RORA: variants seen among roughly 807,000 people sequenced by gnomAD.
The protein encoded by RORA is nuclear receptor ROR-alpha.
Under a neutral mutation model 69.5 loss-of-function variants are expected in RORA, and 7 were observed. The observed-to-expected ratio is 0.10, with a 90% CI of 0.06 to 0.19. The LOEUF is 0.19. RORA is among the 10% of genes least tolerant of loss of function. The pLI is 1.00. For missense variants in RORA, 457 were observed against 663.0 expected, an observed-to-expected ratio of 0.69 and a Z score of 3.41; for synonymous variants, 261 against 240.8, an observed-to-expected ratio of 1.08 and a Z score of -0.78.
intron 1 of RORA, among the ~76,000 whole-genome samples, chr15:60,775,419 C>T (rs1299696069): frequency 6.6e-6 from 1 of 152,220 alleles, no homozygotes; most frequent in African/African-American, 2.4e-5. Context: ...AACAGATCTG[C>T]AGTTTTCTTC....
At chr15:60,649,601 C>T (rs976575419) in intron 2 of RORA, among the ~76,000 whole-genome samples, 1 of 152,028 alleles carries the variant, frequency 6.6e-6, no homozygotes, top group African/African-American at 2.4e-5. Flanking sequence ...GAAAGGAGGC[C>T]AAAAGGAAGG....
intron 1 of RORA, among the ~76,000 whole-genome samples, chr15:61,200,530 C>A (rs1397861858): frequency 1.3e-5 from 2 of 152,188 alleles, no homozygotes; most frequent in Non-Finnish European, 2.9e-5. Context: ...AATAAAGCAA[C>A]TGACCTGGAA....
At chr15:61,123,867 A>C (rs757439719) in intron 1 of RORA, among the ~76,000 whole-genome samples, 1 of 152,206 alleles carries the variant, frequency 6.6e-6, no homozygotes, top group Non-Finnish European at 1.5e-5. Flanking sequence ...TACTTCCTAC[A>C]TGCTGGGGCC....
chr15:60,616,369 T>G (rs915984160), intron 2 of RORA, among the ~76,000 whole-genome samples: 10 of 152,196 alleles, frequency 6.6e-5, no homozygotes, highest in African/African-American at 2.4e-4. Context: ...TGTTGTCTGT[T>G]AAAATCTCAT....
intron 1 of RORA, among the ~76,000 whole-genome samples, chr15:60,712,885 A>G (rs1418771556): frequency 6.6e-6 from 1 of 152,208 alleles, no homozygotes; most frequent in Non-Finnish European, 1.5e-5. Flanking sequence ...CCTGAAGATG[A>G]AAATACTATC....
intron 1 of RORA, among the ~76,000 whole-genome samples, chr15:60,806,825 G>A (rs1335429569): frequency 6.6e-6 from 1 of 152,170 alleles, no homozygotes; most frequent in Non-Finnish European, 1.5e-5. Flanking sequence ...AAAAAGGCAG[G>A]CTTGAAGGTG....
At chr15:61,015,733 A>G (rs1477488228) in intron 1 of RORA, among the ~76,000 whole-genome samples, 1 of 152,254 alleles carries the variant, frequency 6.6e-6, no homozygotes, top group African/African-American at 2.4e-5. Flanking sequence ...AATCAGCTGC[A>G]TACATGGGGG....
intron 2 of RORA, among the ~76,000 whole-genome samples, chr15:60,560,583 C>T (rs569160788): frequency 2.6e-5 from 4 of 152,282 alleles, no homozygotes; most frequent in South Asian, 2.1e-4. Flanking sequence ...CCTGTAGTCT[C>T]GGCTACTGGT....
At chr15:60,883,201 T>C (rs1282397622) in intron 1 of RORA, among the ~76,000 whole-genome samples, 1 of 141,702 alleles carries the variant, frequency 7.1e-6, no homozygotes, top group East Asian at 2.1e-4. Context: ...AAAACCTATA[T>C]AAAATGCAGT....
intron 1 of RORA, among the ~76,000 whole-genome samples, chr15:60,748,203 C>A (rs936482769): frequency 4.6e-5 from 7 of 151,702 alleles, no homozygotes; most frequent in Admixed American, 2.0e-4. Flanking sequence ...CATAAATGCG[C>A]TGGCCTAAAA....
chr15:60,739,879 C>T (rs186900417), intron 1 of RORA, among the ~76,000 whole-genome samples: 4 of 152,194 alleles, frequency 2.6e-5, no homozygotes, highest in African/African-American at 9.6e-5. Flanking sequence ...CTCTTTTTCC[C>T]ATGTTAACTT....
At chr15:60,795,729 C>T (rs1025656095) in intron 1 of RORA, among the ~76,000 whole-genome samples, 2 of 152,208 alleles carry the variant, frequency 1.3e-5, no homozygotes, top group African/African-American at 2.4e-5. Flanking sequence ...TATGGCGCCT[C>T]CCTATATATG....
At chr15:60,867,715 C>T (rs941514101) in intron 1 of RORA, among the ~76,000 whole-genome samples, 5 of 152,254 alleles carry the variant, frequency 3.3e-5, no homozygotes, top group Non-Finnish European at 5.9e-5. Context: ...CTACCAGGAT[C>T]TCTTGATATT....
At chr15:61,027,218 G>A (rs1188622074) in intron 1 of RORA, among the ~76,000 whole-genome samples, 1 of 151,242 alleles carries the variant, frequency 6.6e-6, no homozygotes, top group Non-Finnish European at 1.5e-5. Flanking sequence ...AATGAAGAGA[G>A]GACTATTTAA....
chr15:61,137,022 AGAAAGAAAG>A (rs1244166435), intron 1 of RORA, among the ~76,000 whole-genome samples: 1 of 37,778 alleles, frequency 2.6e-5, no homozygotes, highest in Non-Finnish European at 5.1e-5. Context: ...TAAATAAAAA[AGAAAGAAAG>A]AAAGAAAGAA....
intron 1 of RORA, among the ~76,000 whole-genome samples, chr15:61,122,069 G>A (rs2079109323): frequency 1.3e-5 from 2 of 152,252 alleles, no homozygotes; most frequent in Admixed American, 1.3e-4. Flanking sequence ...ATATTCACTT[G>A]GTATTTCTGG....
At chr15:60,549,232 C>T (rs573959665) in intron 2 of RORA, among the ~76,000 whole-genome samples, 27 of 152,302 alleles carry the variant, frequency 1.8e-4, no homozygotes, top group African/African-American at 6.3e-4. Context: ...TTTCCATCTA[C>T]TCTCTTGCTC....
chr15:60,538,686 A>G (rs1190599443), intron 2 of RORA, among the ~76,000 whole-genome samples: 1 of 152,202 alleles, frequency 6.6e-6, no homozygotes, highest in East Asian at 1.9e-4. Flanking sequence ...TCGCCTCTCT[A>G]TGCAAAGTCC....
chr15:61,062,734 C>T (rs1012971992), intron 1 of RORA, among the ~76,000 whole-genome samples: 1 of 152,194 alleles, frequency 6.6e-6, no homozygotes, highest in Non-Finnish European at 1.5e-5. Context: ...GCTCCCTCCT[C>T]TCCCAACTGC....
Sources: allele counts gnomAD v4.1 joint callset (sites outside exome capture counted in the v4.1 genomes callset), GRCh38; gene constraint gnomAD v4.1.1; transcripts MANE v1.5; gene names NCBI Gene and HGNC (gene_info 2026-07-23, HGNC 2026-07-21).